Variants in NKAIN2 observed in about 807,000 individuals in gnomAD.
NKAIN2 encodes sodium/potassium-transporting ATPase subunit beta-1-interacting protein 2.
NKAIN2 carries 14 observed loss-of-function variants against 32.6 expected under a neutral mutation model. The observed-to-expected ratio is 0.43, with a 90% confidence interval of 0.28 to 0.67. The LOEUF (loss-of-function observed/expected upper bound fraction) is 0.67. Ranked by LOEUF, NKAIN2 falls within the 30% of genes least tolerant of loss-of-function variation. NKAIN2 has a pLI of 0.17. For synonymous variants in NKAIN2, 80 were observed against 87.2 expected, an observed-to-expected ratio of 0.92 and a Z score of 0.46; for missense variants, 198 against 258.3, an observed-to-expected ratio of 0.77 and a Z score of 1.60.
At position 124,483,330 on chromosome 6, in the gene NKAIN2, A is replaced by G. The variant is rs546334343; in HGVS notation, c.273+127983A>G. 2.6e-4 allele frequency among the ~76,000 whole-genome samples: 39 copies of G among 152,340 alleles called. No individual in the cohort carries two copies. In the South Asian group the frequency reaches 8.1e-3, roughly 32 times the overall value. ...TGTATTTTGCATCTATGTGCCATAC[A>G]TTTTGCTAAGAGATAATCACATCCA... On this transcript the variant is annotated intron_variant, in intron 3 of 6. Coordinates refer to ENST00000368417, the MANE Select transcript of NKAIN2 (RefSeq NM_001040214.3).
At chr6:124,736,433 T>A (rs977760395) in intron 4 of NKAIN2, among the ~76,000 whole-genome samples, 13 of 151,934 alleles carry the variant, frequency 8.6e-5, no homozygotes, top group Non-Finnish European at 1.9e-4. Context: ...ACAGATTTTT[T>A]AATTAGATAC....
rs141098356 is a variant in NKAIN2, at chr6:124,196,931, T to G, written c.55-86074T>G. Among the ~76,000 whole-genome samples the G allele has an allele frequency of 8.8e-3, 1,345 of 152,002 alleles. 19 individuals are homozygous for G. The highest frequency in any genetic ancestry group is 0.031 in the African/African-American group (1,274 of 41,520). On this transcript the variant is annotated intron_variant, in intron 1 of 6. Coordinates refer to ENST00000368417, the MANE Select transcript of NKAIN2 (RefSeq NM_001040214.3). ...ACCTCATTGTCATGAGATATAGACA[T>G]GCACAAGAACATATTCAAGAATTCC...
In NKAIN2 at chr6:124,463,308, A is replaced by G. The variant is rs115974290; in HGVS notation, c.273+107961A>G. ...TACTACTTTAAAATGTTTGCACTCT[A>G]TTTCAACCAATTATGTGCATATACA... On this transcript the variant is annotated intron_variant, in intron 3 of 6. Coordinates refer to ENST00000368417, the MANE Select transcript of NKAIN2 (RefSeq NM_001040214.3). Among the ~76,000 whole-genome samples, 273 of 152,196 alleles carry G rather than the reference A, an allele frequency of 1.8e-3. 1 individual carries two copies. The highest frequency in any genetic ancestry group is 6.3e-3 in the African/African-American group (262 of 41,530).
intron 1 of NKAIN2, among the ~76,000 whole-genome samples, chr6:123,957,392 A>G (rs1004167558): frequency 6.6e-6 from 1 of 152,222 alleles, no homozygotes; most frequent in Admixed American, 6.5e-5. Flanking sequence ...ATCAGCATCT[A>G]GCACAGCACT....
chr6:124,388,028 G>A (rs959158080), intron 3 of NKAIN2, among the ~76,000 whole-genome samples: 1 of 152,062 alleles, frequency 6.6e-6, no homozygotes, highest in Non-Finnish European at 1.5e-5. Context: ...GACCTGGAAT[G>A]CTGTTAAATA....
intron 3 of NKAIN2, among the ~76,000 whole-genome samples, chr6:124,590,639 G>C (rs1583485287): frequency 6.6e-6 from 1 of 152,346 alleles, no homozygotes; most frequent in South Asian, 2.1e-4. Flanking sequence ...GAGTAGGAGA[G>C]AGTGAGAAAT....
chr6:124,085,072 A>C (rs575177767), intron 1 of NKAIN2, among the ~76,000 whole-genome samples: 1 of 152,166 alleles, frequency 6.6e-6, no homozygotes, highest in African/African-American at 2.4e-5. Flanking sequence ...TGTATTTTGT[A>C]GGGAGAAAGT....
chr6:124,536,054 G>A lies in NKAIN2; in HGVS notation c.274-122132G>A, dbSNP rs562894784. Among the ~76,000 whole-genome samples, 12 of 152,316 alleles carry A rather than the reference G, an allele frequency of 7.9e-5. No homozygotes were observed. The South Asian group carries it at 1.9e-3, about 24-fold the overall frequency. ...GGAGACTGCCCTTCCGTGGAGCCAC[G>A]CAGAAGAGGCCATCCCTGGACTTTA... On this transcript the variant is annotated intron_variant, in intron 3 of 6. Transcript: ENST00000368417.
chr6:123,805,981 C>T (rs981623159), intron 1 of NKAIN2, among the ~76,000 whole-genome samples: 8 of 152,094 alleles, frequency 5.3e-5, no homozygotes, highest in Non-Finnish European at 1.2e-4. Context: ...AATACAAACT[C>T]CTCAAGAACT....
At chr6:124,441,749 C>T (rs1775697257) in intron 3 of NKAIN2, among the ~76,000 whole-genome samples, 1 of 151,974 alleles carries the variant, frequency 6.6e-6, no homozygotes, top group South Asian at 2.1e-4. Flanking sequence ...TCATTTTAAG[C>T]CACTAGAGAT....
At chr6:123,865,128 G>T (rs1396014619) in intron 1 of NKAIN2, among the ~76,000 whole-genome samples, 1 of 152,120 alleles carries the variant, frequency 6.6e-6, no homozygotes, top group African/African-American at 2.4e-5. Flanking sequence ...TTGTCAATAG[G>T]TCTAACACAG....
chr6:124,498,570 C>G (rs573026308), intron 3 of NKAIN2, among the ~76,000 whole-genome samples: 39 of 152,218 alleles, frequency 2.6e-4, no homozygotes, highest in Non-Finnish European at 4.7e-4. Flanking sequence ...TATGACAGAA[C>G]CCACAGAAAT....
At chr6:124,133,607 A>C (rs1039818001) in intron 1 of NKAIN2, among the ~76,000 whole-genome samples, 3 of 152,148 alleles carry the variant, frequency 2.0e-5, no homozygotes, top group African/African-American at 7.2e-5. Context: ...AAAAAAAATT[A>C]AATAAATAAA....
At chr6:124,495,824 G>C (rs974539776) in intron 3 of NKAIN2, among the ~76,000 whole-genome samples, 35 of 152,084 alleles carry the variant, frequency 2.3e-4, no homozygotes, top group African/African-American at 8.2e-4. Context: ...CAGGGGTAGA[G>C]CCAACCCATA....
intron 1 of NKAIN2, among the ~76,000 whole-genome samples, chr6:124,272,161 G>C (rs116055772): frequency 6.6e-6 from 1 of 152,206 alleles, no homozygotes; most frequent in South Asian, 2.1e-4. Context: ...AAGGAGCCAA[G>C]TGTTAATCGC....
At chr6:124,652,776 C>A (rs998108095) in intron 3 of NKAIN2, among the ~76,000 whole-genome samples, 19 of 152,026 alleles carry the variant, frequency 1.2e-4, no homozygotes, top group Admixed American at 1.2e-3. Context: ...TATAACAAAC[C>A]CACTTGCATG....
intron 1 of NKAIN2, among the ~76,000 whole-genome samples, chr6:124,164,454 A>G (rs539787826): frequency 6.6e-6 from 1 of 152,178 alleles, no homozygotes; most frequent in African/African-American, 2.4e-5. Context: ...ATGATATCAC[A>G]TCGTTGAGAA....
chr6:124,418,869 G>C (rs1228789482), intron 3 of NKAIN2, among the ~76,000 whole-genome samples: 1 of 151,766 alleles, frequency 6.6e-6, no homozygotes, highest in Admixed American at 6.6e-5. Flanking sequence ...TCAATCTTTT[G>C]CATATGCGAA....
intron 2 of NKAIN2, among the ~76,000 whole-genome samples, chr6:124,350,024 T>C (rs1436350639): frequency 6.6e-6 from 1 of 152,164 alleles, no homozygotes; most frequent in Non-Finnish European, 1.5e-5. Flanking sequence ...GTCTGAAACA[T>C]AAAATATAAG....
Sources: allele counts gnomAD v4.1 joint callset (sites outside exome capture counted in the v4.1 genomes callset), GRCh38; gene constraint gnomAD v4.1.1; transcripts MANE v1.5; gene names NCBI Gene and HGNC (gene_info 2026-07-23, HGNC 2026-07-21).